Variants in TMEM182 observed in about 807,000 individuals in gnomAD.
TMEM182 encodes transmembrane protein 182.
A neutral mutation model predicts 26.8 loss-of-function variants in TMEM182; 20 were observed. The ratio of observed to expected loss-of-function variants is 0.75; its 90% CI spans 0.53 to 1.09. TMEM182 has a LOEUF of 1.09. Ranked by LOEUF, TMEM182 falls within the 50% of genes least tolerant of loss-of-function variation. The pLI is 0.00. For synonymous variants in TMEM182, 109 were observed against 102.2 expected (o/e 1.07, Z -0.40); for missense variants, 277 against 275.5 (o/e 1.01, Z -0.04).
chr2:102,798,135 A>G, intron 4 of TMEM182, 135 bp downstream of exon 4: 1 of 796,236 alleles, frequency 1.3e-6, no homozygotes, highest in Non-Finnish European at 1.7e-6. Context: ...CTTCTTGAAC[A>G]CTAACTAATA....
In TMEM182 at chr2:102,753,199, C is replaced by CT. The variant is rs201242858; in HGVS notation, c.-82-5190_-82-5189insT. On this transcript the variant is annotated intron_variant, in intron 1 of 5. Coordinates refer to the TMEM182 transcript ENST00000409173. ...TAACAAATGAGTTTTAAGCTTCCCC[C>CT]CCCCACTGCCTTCAAGAGTTACTAT... 1.0e-3 allele frequency among the ~76,000 whole-genome samples: 140 copies of CT among 139,030 alleles called. 1 individual carries two copies. The highest frequency in any genetic ancestry group is 3.8e-3 in the African/African-American group (137 of 36,298). The allele number at this position is 139,030 out of a possible 152,430, so 91.2% of individuals were successfully genotyped here.
chr2:102,745,088 A>G (rs999440672), intron 1 of TMEM182, among the ~76,000 whole-genome samples: 1 of 150,916 alleles, frequency 6.6e-6, no homozygotes, highest in Non-Finnish European at 1.5e-5. Flanking sequence ...TGGATAGTGT[A>G]TTCTTTTTTT....
intron 3 of TMEM182, among the ~76,000 whole-genome samples, chr2:102,790,666 T>C (rs2104714170): frequency 6.6e-6 from 1 of 152,304 alleles, no homozygotes; most frequent in East Asian, 1.9e-4. Flanking sequence ...TTTTCCTTCC[T>C]GAAGGATTTT....
intron 3 of TMEM182, among the ~76,000 whole-genome samples, chr2:102,838,511 C>A (rs561571919): frequency 2.6e-5 from 4 of 152,272 alleles, no homozygotes; most frequent in Non-Finnish European, 5.9e-5. Flanking sequence ...GATGGAAGGA[C>A]CTAGGCACTG....
At chr2:102,834,844 C>G (rs1010630681) in intron 3 of TMEM182, among the ~76,000 whole-genome samples, 1 of 152,120 alleles carries the variant, frequency 6.6e-6, no homozygotes, top group African/African-American at 2.4e-5. Flanking sequence ...TTCCACTTGC[C>G]GGTTGTTACC....
At chr2:102,746,745 C>T (rs1234540737) in intron 1 of TMEM182, among the ~76,000 whole-genome samples, 1 of 152,094 alleles carries the variant, frequency 6.6e-6, no homozygotes, top group Non-Finnish European at 1.5e-5. Flanking sequence ...GCCACCACCA[C>T]ACCCGGCTAA....
intron 1 of TMEM182, among the ~76,000 whole-genome samples, chr2:102,752,944 A>G (rs997591060): frequency 1.3e-5 from 2 of 152,252 alleles, no homozygotes; most frequent in Admixed American, 6.5e-5. Context: ...GAAATGTAAT[A>G]TGCAAGCTTA....
At chr2:102,805,395 T>C (rs1002364798) in intron 4 of TMEM182, among the ~76,000 whole-genome samples, 3 of 152,184 alleles carry the variant, frequency 2.0e-5, no homozygotes, top group African/African-American at 7.2e-5. Context: ...AGCCATTTCT[T>C]TGGAGAGAGC....
intron 3 of TMEM182, among the ~76,000 whole-genome samples, chr2:102,827,127 C>T (rs532160779): frequency 5.9e-5 from 9 of 152,334 alleles, no homozygotes; most frequent in Non-Finnish European, 1.0e-4. Context: ...ATTTATAGCA[C>T]AGATCATGTT....
intron 4 of TMEM182, among the ~76,000 whole-genome samples, chr2:102,813,196 A>G (rs78344738): frequency 6.6e-6 from 1 of 152,334 alleles, no homozygotes; most frequent in East Asian, 1.9e-4. Flanking sequence ...CGATACTGAC[A>G]CACCACAACA....
At chr2:102,747,957 G>T (rs565180717) in intron 1 of TMEM182, among the ~76,000 whole-genome samples, 218 of 151,260 alleles carry the variant, frequency 1.4e-3, no homozygotes, top group African/African-American at 4.7e-3. Flanking sequence ...GTGTGTGTGT[G>T]TTTTTTTTTC....
chr2:102,774,146 T>C (rs991498873), intron 3 of TMEM182, among the ~76,000 whole-genome samples: 6 of 152,102 alleles, frequency 3.9e-5, no homozygotes, highest in Non-Finnish European at 7.4e-5. Flanking sequence ...CTGAATTATT[T>C]TAAAGCAAAT....
chr2:102,812,353 G>GTC lies in TMEM182; in HGVS notation c.470-2379_470-2378dup, dbSNP rs149818584. On this transcript the variant is annotated intron_variant, in intron 4 of 4. Coordinates refer to ENST00000412401, the MANE Select transcript of TMEM182 (RefSeq NM_144632.5). ...TGGTGTAAATTCCTTCTCATTGTCTGTCTCTCTCTCTCTCTCTTTGTCTAC... is the reference window on the plus strand; with the variant it reads ...TGGTGTAAATTCCTTCTCATTGTCTGTCTCTCTCTCTCTCTCTCTTTGTCTAC... Among the ~76,000 whole-genome samples the GTC allele has an allele frequency of 2.7e-3, 368 of 136,794 alleles. 1 individual carries two copies. Among genetic ancestry groups the GTC allele is most frequent in the African/African-American group, 9.3e-3 (338 of 36,322 alleles). The allele number at this position is 136,794 out of a possible 152,430, so 89.7% of individuals were successfully genotyped here.
intron 3 of TMEM182, among the ~76,000 whole-genome samples, chr2:102,788,532 C>T (rs1255456075): frequency 6.7e-6 from 1 of 149,890 alleles, no homozygotes; most frequent in African/African-American, 2.5e-5. Flanking sequence ...TATTATTACT[C>T]CTGTTACTGC....
downstream of TMEM182, among the ~76,000 whole-genome samples, chr2:102,818,587 C>T (rs749362392): frequency 2.0e-5 from 3 of 152,038 alleles, no homozygotes; most frequent in Non-Finnish European, 2.9e-5. Context: ...TGGAGATGCC[C>T]GAGGAGACCC....
At chr2:102,810,871 T>C (rs1396077602) in intron 4 of TMEM182, among the ~76,000 whole-genome samples, 3 of 152,134 alleles carry the variant, frequency 2.0e-5, no homozygotes. Flanking sequence ...CTAAAGTCAC[T>C]GTGGCAAGTA....
chr2:102,787,850 CCT>C (rs967674343), intron 3 of TMEM182, among the ~76,000 whole-genome samples: 9 of 152,138 alleles, frequency 5.9e-5, no homozygotes, highest in Non-Finnish European at 8.8e-5. Flanking sequence ...TATGACTTAA[CCT>C]CTCTGAGCCT....
chr2:102,771,926 G>A (rs183435262), intron 3 of TMEM182, among the ~76,000 whole-genome samples: 1 of 152,280 alleles, frequency 6.6e-6, no homozygotes, highest in East Asian at 1.9e-4. Context: ...CAGGTGTCCT[G>A]GGTGTGGGTG....
At chr2:102,803,702 A>G (rs187781659) in intron 4 of TMEM182, among the ~76,000 whole-genome samples, 25 of 152,332 alleles carry the variant, frequency 1.6e-4, no homozygotes, top group Middle Eastern at 3.4e-3. Context: ...GCTGAGGCTG[A>G]ACATGTTGCT....
Sources: allele counts gnomAD v4.1 joint callset (sites outside exome capture counted in the v4.1 genomes callset), GRCh38; gene constraint gnomAD v4.1.1; transcripts MANE v1.5; gene names NCBI Gene and HGNC (gene_info 2026-07-23, HGNC 2026-07-21).